The following AUTS2 variants were observed in gnomAD, a reference collection of about 807,000 sequenced individuals.
AUTS2 encodes autism susceptibility gene 2 protein.
AUTS2 carries 17 observed loss-of-function variants against 112.4 expected under a neutral mutation model. That is an observed-to-expected ratio of 0.15 (90% CI 0.10 to 0.23). The LOEUF (loss-of-function observed/expected upper bound fraction) is 0.23. Ranked by LOEUF, AUTS2 falls within the 10% of genes least tolerant of loss-of-function variation. The pLI is 1.00. For missense variants in AUTS2, 1,510 were observed against 1,701.6 expected, an observed-to-expected ratio of 0.89 and a Z score of 1.98; for synonymous variants, 751 against 702.7, an observed-to-expected ratio of 1.07 and a Z score of -1.09.
chr7:69,842,028 G>A (rs1055593675), intron 1 of AUTS2, among the ~76,000 whole-genome samples: 1 of 152,136 alleles, frequency 6.6e-6, no homozygotes, highest in South Asian at 2.1e-4. Flanking sequence ...AGGCATATGG[G>A]TGTTTGTTTT....
chr7:70,410,913 G>GAGTGC (rs1239332019), intron 4 of AUTS2, among the ~76,000 whole-genome samples: 5 of 151,228 alleles, frequency 3.3e-5, no homozygotes, highest in Admixed American at 3.3e-4. Flanking sequence ...ACCCAGGCTG[G>GAGTGC]AGTGCAGTGG....
At chr7:69,995,915 C>G (rs1798925501) in intron 2 of AUTS2, among the ~76,000 whole-genome samples, 1 of 152,186 alleles carries the variant, frequency 6.6e-6, no homozygotes, top group South Asian at 2.1e-4. Flanking sequence ...ACCTGTCTCT[C>G]TCAAATTTTC....
rs1789450877 is a variant in AUTS2 at position 69,787,940 on chromosome 7, T to C, written c.310-111346T>C. 1.3e-5 allele frequency among the ~76,000 whole-genome samples: 2 copies of C among 152,188 alleles called. 1 individual carries two copies. The highest frequency in any genetic ancestry group is 4.1e-4 in the South Asian group (2 of 4,830). On this transcript the variant is annotated intron_variant, in intron 1 of 18. Transcript: ENST00000342771. ...CCTCCTAGGAATGAAGTGGAACTTT[T>C]ATTAAGGACAGATTTTTCAGAGGGG...
chr7:70,717,319 T>G (rs986278837), intron 6 of AUTS2, among the ~76,000 whole-genome samples: 1 of 152,170 alleles, frequency 6.6e-6, no homozygotes, highest in Non-Finnish European at 1.5e-5. Flanking sequence ...TAGCTGGAAC[T>G]ACAGGCCTGT....
At chr7:70,117,236 C>T (rs920272342) in intron 2 of AUTS2, among the ~76,000 whole-genome samples, 11 of 145,454 alleles carry the variant, frequency 7.6e-5, no homozygotes, top group Admixed American at 5.7e-4. Context: ...ATTTAATTTA[C>T]TTAATCTGTA....
chr7:70,260,537 G>A (rs996304530), intron 4 of AUTS2, among the ~76,000 whole-genome samples: 1 of 151,992 alleles, frequency 6.6e-6, no homozygotes, highest in African/African-American at 2.4e-5. Flanking sequence ...CACATGGTGA[G>A]GGGGTGAGCA....
chr7:70,513,651 C>T (rs1017627473), intron 5 of AUTS2, among the ~76,000 whole-genome samples: 2 of 150,998 alleles, frequency 1.3e-5, no homozygotes, highest in Non-Finnish European at 2.9e-5. Flanking sequence ...TAGAAATCAT[C>T]TACTTTTCTG....
chr7:69,869,527 C>CATAT (rs34759946), intron 1 of AUTS2, among the ~76,000 whole-genome samples: 2,787 of 148,704 alleles, frequency 0.019, 35 homozygotes, highest in African/African-American at 0.026. Flanking sequence ...GGTCAAGGAT[C>CATAT]ATATATATAT....
chr7:70,229,523 T>C (rs1811936034), intron 4 of AUTS2, among the ~76,000 whole-genome samples: 1 of 152,164 alleles, frequency 6.6e-6, no homozygotes, highest in Admixed American at 6.5e-5. Flanking sequence ...TTTCAACAGT[T>C]ATATATGAAA....
chr7:70,683,032 T>C (rs11971176), intron 5 of AUTS2, among the ~76,000 whole-genome samples: 34,084 of 152,182 alleles, frequency 0.22, 4,675 homozygotes, highest in Non-Finnish European at 0.3. Context: ...ATCAAAACAG[T>C]CACACGTCAG....
intron 2 of AUTS2, among the ~76,000 whole-genome samples, chr7:70,075,893 C>T (rs553325758): frequency 6.6e-6 from 1 of 152,184 alleles, no homozygotes; most frequent in African/African-American, 2.4e-5. Context: ...GATTGCCAAA[C>T]TTTTTCTATA....
intron 5 of AUTS2, among the ~76,000 whole-genome samples, chr7:70,687,232 G>C (rs1357204220): frequency 2.0e-5 from 3 of 152,200 alleles, no homozygotes; most frequent in African/African-American, 4.8e-5. Flanking sequence ...ATGTGAGAAA[G>C]AGCAAACCAA....
chr7:70,379,012 T>C (rs936191494), intron 4 of AUTS2, among the ~76,000 whole-genome samples: 5 of 152,214 alleles, frequency 3.3e-5, no homozygotes, highest in African/African-American at 9.6e-5. Context: ...CCAATTCTTA[T>C]TAAGACTAGC....
chr7:70,087,898 AG>A (rs1203352932), intron 2 of AUTS2, among the ~76,000 whole-genome samples: 4 of 152,172 alleles, frequency 2.6e-5, no homozygotes, highest in African/African-American at 9.7e-5. Flanking sequence ...TAATTGACAA[AG>A]GGCTTTTCAG....
chr7:70,649,009 T>C (rs969640630), intron 5 of AUTS2, among the ~76,000 whole-genome samples: 2 of 152,220 alleles, frequency 1.3e-5, no homozygotes, highest in African/African-American at 4.8e-5. Context: ...TAGATCTGTT[T>C]TGAAATTAGG....
rs56233310 is a variant in AUTS2 at position 70,729,852 on chromosome 7, T to TTGTATGTATGTA, written c.742+31266_742+31277dup. Among the ~76,000 whole-genome samples, 1,177 of 148,856 alleles carry TTGTATGTATGTA rather than the reference T, an allele frequency of 7.9e-3. 15 individuals are homozygous for TTGTATGTATGTA. The highest frequency in any genetic ancestry group is 0.022 in the African/African-American group (867 of 40,102). On this transcript the variant is annotated intron_variant, in intron 6 of 18. Transcript: ENST00000342771. ...TGAAGATCATGACACTGTTTGCCCA[T>TTGTATGTATGTA]TGTATGTATGTATGTATGTATGTAT...
intron 3 of AUTS2, among the ~76,000 whole-genome samples, chr7:70,126,790 G>A (rs909682728): frequency 6.6e-6 from 1 of 152,162 alleles, no homozygotes; most frequent in Non-Finnish European, 1.5e-5. Context: ...TATTTATTGT[G>A]TGTGACCTTA....
chr7:69,974,625 A>AGTTT (rs1491055964), intron 2 of AUTS2, among the ~76,000 whole-genome samples: 74 of 152,076 alleles, frequency 4.9e-4, no homozygotes, highest in Non-Finnish European at 9.9e-4. Context: ...CAGCTCAAAC[A>AGTTT]GAGAGTAAAT....
chr7:69,823,431 T>C (rs1791090253), intron 1 of AUTS2, among the ~76,000 whole-genome samples: 2 of 152,186 alleles, frequency 1.3e-5, no homozygotes, highest in Non-Finnish European at 2.9e-5. Flanking sequence ...GGAGCCTGCT[T>C]GTTGAACTGT....
Sources: gnomAD v4.1 joint callset for allele counts (sites outside exome capture counted in the v4.1 genomes callset) on GRCh38, gnomAD v4.1.1 for gene constraint, MANE v1.5 for transcripts, NCBI Gene and HGNC (gene_info 2026-07-23, HGNC 2026-07-21) for gene names.